KPNA3: variants seen among roughly 807,000 people sequenced by gnomAD.
KPNA3 encodes karyopherin subunit alpha 3, also known as importin subunit alpha-4.
Under a neutral mutation model 73.8 loss-of-function variants are expected in KPNA3, and 13 were observed. The ratio of observed to expected loss-of-function variants is 0.18; its 90% confidence interval spans 0.11 to 0.28. The LOEUF is 0.28. KPNA3 is among the 10% of genes least tolerant of loss of function. The pLI is 1.00. For synonymous variants in KPNA3, 186 were observed against 206.9 expected (o/e 0.90, Z 0.87); for missense variants, 360 against 618.1 (o/e 0.58, Z 4.43).
At chr13:49,740,648 T>A (rs976998952) in intron 2 of KPNA3, among the ~76,000 whole-genome samples, 1 of 152,308 alleles carries the variant, frequency 6.6e-6, no homozygotes, top group East Asian at 1.9e-4. Context: ...GTGAGTCCAA[T>A]AAACCTCTTT....
chr13:49,788,183 T>C (rs978471556), intron 1 of KPNA3, among the ~76,000 whole-genome samples: 2 of 152,230 alleles, frequency 1.3e-5, no homozygotes, highest in Admixed American at 6.5e-5. Flanking sequence ...TGATATACTG[T>C]AAACAATAAA....
chr13:49,789,695 G>A (rs1281451818), intron 1 of KPNA3, among the ~76,000 whole-genome samples: 1 of 152,136 alleles, frequency 6.6e-6, no homozygotes, highest in Non-Finnish European at 1.5e-5. Flanking sequence ...TCTACTCTTA[G>A]ATATGCCTAA....
At chr13:49,789,262 C>G (rs774084598) in intron 1 of KPNA3, among the ~76,000 whole-genome samples, 10 of 152,164 alleles carry the variant, frequency 6.6e-5, no homozygotes, top group Non-Finnish European at 1.3e-4. Context: ...AATCACTCTT[C>G]TTTTTTACCT....
Position 49,732,948 on chromosome 13 carries a change from G to T in KPNA3, c.204+9C>A. The T allele has an allele frequency of 1.3e-6, 2 of 1,562,212 alleles. No individual in the cohort carries two copies. Among genetic ancestry groups the T allele is most frequent in the South Asian group, 2.3e-5 (2 of 88,198 alleles). ...ATTTTAAAATCACTATTAAAACATG[G>T]TAACTTACTGCTTTAAAATCAGCAT... On this transcript the variant is annotated intron_variant, in intron 3 of 16. Coordinates refer to ENST00000261667, the MANE Select transcript of KPNA3 (RefSeq NM_002267.4).
chr13:49,792,148 C>T (rs1392906400), intron 1 of KPNA3, among the ~76,000 whole-genome samples: 1 of 152,072 alleles, frequency 6.6e-6, no homozygotes, highest in East Asian at 1.9e-4. Context: ...CCGCGGACCC[C>T]GCCTCAGCTC....
chr13:49,725,383 A>T lies in KPNA3; in HGVS notation c.469+33T>A, dbSNP rs758473685. The T allele has an allele frequency of 2.3e-6, 3 of 1,328,212 alleles. No individual in the cohort carries two copies. The South Asian group carries it at 4.1e-5, about 18-fold the overall frequency. 82.3% of individuals were successfully genotyped at this position (1,328,212 alleles called of 1,614,324 possible). A position where few individuals can be genotyped will look rare whatever the true frequency, so the allele number is the denominator to read the frequency against. On this transcript the variant is annotated intron_variant, in intron 7 of 16. Coordinates refer to ENST00000261667, the MANE Select transcript of KPNA3 (RefSeq NM_002267.4). ...TCTACTTCCTTGCCATCATTAAAACACAAAAAGTTCAGACAGTAAGGAATT... is the reference window on the plus strand; with the variant it reads ...TCTACTTCCTTGCCATCATTAAAACTCAAAAAGTTCAGACAGTAAGGAATT...
rs1393414368 is a variant in KPNA3, at chr13:49,700,523, A to T, written c.*1277T>A. ...CCGGATTTTGCAGAATTACTTAGAGATCACTGCAAATCAGGTTTATGTTAA... is the reference window on the plus strand; with the variant it reads ...CCGGATTTTGCAGAATTACTTAGAGTTCACTGCAAATCAGGTTTATGTTAA... On this transcript the variant is annotated 3_prime_UTR_variant, in exon 17 of 17. Coordinates refer to ENST00000261667, the MANE Select transcript of KPNA3 (RefSeq NM_002267.4). The T allele has an allele frequency of 6.6e-6, 1 of 152,670 alleles. No individual in the cohort carries two copies. Among genetic ancestry groups the T allele is most frequent in the African/African-American group, 2.4e-5 (1 of 41,470 alleles). The allele number at this position is 152,670 out of a possible 1,614,324, so 9.5% of individuals were successfully genotyped here. A position where few individuals can be genotyped will look rare whatever the true frequency, so the allele number is the denominator to read the frequency against.
chr13:49,732,588 G>A lies in KPNA3; in HGVS notation c.287+17C>T. ...GAGGAATGACATAATTCTCTCTCTA[G>A]ACAAATTAGTATTTACCTTGCTGCC... On this transcript the variant is annotated intron_variant, in intron 5 of 16. Transcript: ENST00000261667. The A allele has an allele frequency of 6.3e-7, 1 of 1,589,374 alleles. No individual in the cohort carries two copies.
At chr13:49,725,705 G>A (rs576128315) in intron 6 of KPNA3, among the ~76,000 whole-genome samples, 6 of 150,926 alleles carry the variant, frequency 4.0e-5, no homozygotes, top group South Asian at 4.2e-4. Flanking sequence ...GTGCAGTGGC[G>A]CCATCTTGAC....
In KPNA3 at chr13:49,753,919, G is replaced by A. The variant is rs34442103; in HGVS notation, c.70-6926C>T. 3.2e-3 allele frequency among the ~76,000 whole-genome samples: 485 copies of A among 152,218 alleles called. 1 individual carries two copies. The highest frequency in any genetic ancestry group is 5.9e-3 in the Non-Finnish European group (401 of 68,006). ...TAAAGGTTGGGGACCACTGTTATAAGGGAAAAAATACAGTATTTAACTGCT... is the reference window on the plus strand; with the variant it reads ...TAAAGGTTGGGGACCACTGTTATAAAGGAAAAAATACAGTATTTAACTGCT... On this transcript the variant is annotated intron_variant, in intron 1 of 16. Coordinates refer to ENST00000261667, the MANE Select transcript of KPNA3 (RefSeq NM_002267.4).
At chr13:49,742,433 G>T (rs1056694780) in intron 2 of KPNA3, among the ~76,000 whole-genome samples, 1 of 152,078 alleles carries the variant, frequency 6.6e-6, no homozygotes, top group African/African-American at 2.4e-5. Context: ...CCCCAAGTAA[G>T]CCGTAGAAAG....
intron 6 of KPNA3, among the ~76,000 whole-genome samples, chr13:49,729,850 T>C (rs1954445498): frequency 6.6e-6 from 1 of 152,164 alleles, no homozygotes; most frequent in African/African-American, 2.4e-5. Context: ...GTAGAGTGCT[T>C]TGTATGTATT....
At position 49,747,108 on chromosome 13, in the gene KPNA3, G is replaced by A. The variant is rs574327560; in HGVS notation, c.70-115C>T. ...TATAATCCTAGCACTTTGGGAGGCC[G>A]AGGCGGGCAGATCACTTGAGGTCAG... On this transcript the variant is annotated intron_variant, in intron 1 of 16. Transcript: ENST00000261667. 2.9e-4 allele frequency: 186 copies of A among 643,538 alleles called. 1 individual carries two copies. Among genetic ancestry groups the A allele is most frequent in the African/African-American group, 2.8e-3 (148 of 53,530 alleles). 39.9% of individuals were successfully genotyped at this position (643,538 alleles called of 1,614,324 possible).
intron 12 of KPNA3, among the ~76,000 whole-genome samples, chr13:49,706,620 G>C (rs1416103382): frequency 6.6e-6 from 1 of 152,074 alleles, no homozygotes; most frequent in African/African-American, 2.4e-5. Context: ...CTATAAGCTA[G>C]GCATTATTCT....
intron 1 of KPNA3, among the ~76,000 whole-genome samples, chr13:49,778,557 T>C (rs1257082379): frequency 6.6e-6 from 1 of 152,240 alleles, no homozygotes; most frequent in East Asian, 1.9e-4. Context: ...AAATTATAAT[T>C]GTTTTAAAAT....
At chr13:49,780,807 G>A (rs1202766198) in intron 1 of KPNA3, among the ~76,000 whole-genome samples, 1 of 147,624 alleles carries the variant, frequency 6.8e-6, no homozygotes, top group East Asian at 2.0e-4. Flanking sequence ...TGCAACCTCT[G>A]CCTCCCAGGT....
intron 1 of KPNA3, among the ~76,000 whole-genome samples, chr13:49,780,752 A>C (rs1954934775): frequency 7.2e-6 from 1 of 139,072 alleles, no homozygotes; most frequent in Non-Finnish European, 1.5e-5. Flanking sequence ...ATGGAGTCTC[A>C]CTCCATTGCC....
At chr13:49,774,825 G>A (rs1173157232) in intron 1 of KPNA3, among the ~76,000 whole-genome samples, 1 of 152,128 alleles carries the variant, frequency 6.6e-6, no homozygotes, top group East Asian at 1.9e-4. Flanking sequence ...TCCTGCACTG[G>A]TAACTAATAC....
chr13:49,722,042 G>A lies in KPNA3; in HGVS notation c.639C>T (p.Pro213=). 1 of 1,611,822 alleles carries A rather than the reference G, an allele frequency of 6.2e-7. No individual in the cohort carries two copies. The highest frequency in any genetic ancestry group is 8.5e-7 in the Non-Finnish European group (1 of 1,178,438). The part of the protein sequence containing the change: ...PLLSFISPSI[P]ITFLRNVTWV... ...ATGTGACGTTCCGAAGGAAGGTGAT[G>A]GGGATGGAGGGACTGATGAAGGACA... Residue 213 remains proline, a synonymous_variant, in exon 9 of 17, where the codon CCC becomes CCT. Coordinates refer to ENST00000261667, the MANE Select transcript of KPNA3 (RefSeq NM_002267.4).
Sources: allele counts gnomAD v4.1 joint callset (sites outside exome capture counted in the v4.1 genomes callset), GRCh38; gene constraint gnomAD v4.1.1; transcripts MANE v1.5; gene names NCBI Gene and HGNC (gene_info 2026-07-23, HGNC 2026-07-21).